Variants in C1orf115 observed in about 807,000 individuals in gnomAD.
The protein encoded by C1orf115 is required for drug-induced death protein 1.
Under a neutral mutation model 12.5 loss-of-function variants are expected in C1orf115, and 14 were observed. That is an observed-to-expected ratio of 1.12 (90% CI 0.74 to 1.75). C1orf115 has a LOEUF of 1.75. Ranked by LOEUF, C1orf115 falls within the 40% of genes most tolerant of loss-of-function variation. C1orf115 has a pLI of 0.00. For missense variants in C1orf115, 237 were observed against 220.8 expected (o/e 1.07, Z -0.46); for synonymous variants, 109 against 104.6 (o/e 1.04, Z -0.26).
At chr1:220,696,214 T>C (rs1670191809) in intron 1 of C1orf115, among the ~76,000 whole-genome samples, 2 of 152,280 alleles carry the variant, frequency 1.3e-5, no homozygotes, top group Middle Eastern at 3.4e-3. Flanking sequence ...GAAGGAAAAC[T>C]TAACCCAGCC....
At chr1:220,692,368 T>A (rs1235770957) in intron 1 of C1orf115, among the ~76,000 whole-genome samples, 3 of 152,130 alleles carry the variant, frequency 2.0e-5, no homozygotes, top group Non-Finnish European at 4.4e-5. Flanking sequence ...TTATTTACAA[T>A]AGTCAAAAGG....
At chr1:220,694,426 G>A (rs1044080368) in intron 1 of C1orf115, among the ~76,000 whole-genome samples, 4 of 152,310 alleles carry the variant, frequency 2.6e-5, no homozygotes, top group East Asian at 3.9e-4. Flanking sequence ...GATAGAGTTG[G>A]AATTCAAGCC....
intron 1 of C1orf115, among the ~76,000 whole-genome samples, chr1:220,691,398 A>G (rs1258971222): frequency 1.3e-5 from 2 of 152,156 alleles, no homozygotes; most frequent in Non-Finnish European, 1.5e-5. Flanking sequence ...CTCTGCATGG[A>G]AACAGTCGAA....
chr1:220,693,774 G>T (rs1374678515), intron 1 of C1orf115, among the ~76,000 whole-genome samples: 1 of 152,122 alleles, frequency 6.6e-6, no homozygotes, highest in Non-Finnish European at 1.5e-5. Context: ...GAGGGACCCT[G>T]TAATTTAAAC....
intron 1 of C1orf115, among the ~76,000 whole-genome samples, chr1:220,693,750 C>T (rs1166156313): frequency 6.6e-6 from 1 of 152,156 alleles, no homozygotes; most frequent in East Asian, 1.9e-4. Flanking sequence ...TCCCTGCCCT[C>T]CTTCTGTTAC....
At chr1:220,692,135 C>T (rs1425227618) in intron 1 of C1orf115, among the ~76,000 whole-genome samples, 1 of 152,154 alleles carries the variant, frequency 6.6e-6, no homozygotes, top group East Asian at 1.9e-4. Context: ...CCAAACAAAC[C>T]GAATAACAAA....
chr1:220,692,420 C>G (rs1279770006), intron 1 of C1orf115, among the ~76,000 whole-genome samples: 1 of 152,050 alleles, frequency 6.6e-6, no homozygotes, highest in Non-Finnish European at 1.5e-5. Flanking sequence ...AATGCATAAA[C>G]AAGTGTGTTA....
chr1:220,691,542 T>C (rs998486369), intron 1 of C1orf115, among the ~76,000 whole-genome samples: 50 of 152,048 alleles, frequency 3.3e-4, no homozygotes, highest in African/African-American at 1.2e-3. Context: ...AATGCCGTCT[T>C]ACACCTGAAG....
At chr1:220,693,018 C>T (rs1259269334) in intron 1 of C1orf115, among the ~76,000 whole-genome samples, 1 of 152,128 alleles carries the variant, frequency 6.6e-6, no homozygotes, top group Non-Finnish European at 1.5e-5. Flanking sequence ...AAAGTGACTT[C>T]AGCTTCTACT....
intron 1 of C1orf115, among the ~76,000 whole-genome samples, chr1:220,695,463 G>T (rs903717513): frequency 3.3e-5 from 5 of 151,104 alleles, no homozygotes; most frequent in Admixed American, 1.3e-4. Flanking sequence ...GAGAGTGGTG[G>T]AAGGTGAACG....
At chr1:220,690,826 C>G (rs1165495517) in intron 1 of C1orf115, 115 bp downstream of exon 1, 12 of 1,213,992 alleles carry the variant, frequency 9.9e-6, no homozygotes, top group East Asian at 6.0e-5. Context: ...CACCTGCGAC[C>G]CCTCCGCCCC....
In C1orf115 at chr1:220,692,547, A is replaced by T. The variant is rs985178056; in HGVS notation, c.309+1836A>T. Among the ~76,000 whole-genome samples, 12 of 152,340 alleles carry T rather than the reference A, an allele frequency of 7.9e-5. No individual in the cohort carries two copies. The South Asian group carries it at 2.3e-3, about 29-fold the overall frequency. On this transcript the variant is annotated intron_variant, in intron 1 of 1. Coordinates refer to ENST00000294889, the MANE Select transcript of C1orf115 (RefSeq NM_024709.5). The stretch of plus-strand genomic sequence containing the variant: ...AAGTGAAGTAAACAAGACCCGCAAG[A>T]TCACATATTGTGCGTATGATTCCAT...
intron 1 of C1orf115, among the ~76,000 whole-genome samples, chr1:220,692,666 G>C (rs1670130640): frequency 6.6e-6 from 1 of 152,202 alleles, no homozygotes; most frequent in Admixed American, 6.5e-5. Flanking sequence ...GAGCCCATCT[G>C]CTTAATGGGT....
In C1orf115 at chr1:220,690,560, C is replaced by G; in HGVS notation, c.158C>G (p.Thr53Arg). 1.1e-5 allele frequency: 16 copies of G among 1,475,630 alleles called. No homozygotes were observed. Among genetic ancestry groups the G allele is most frequent in the Non-Finnish European group, 1.3e-5 (14 of 1,118,136 alleles). 91.4% of individuals were successfully genotyped at this position (1,475,630 alleles called of 1,614,324 possible). A position where few individuals can be genotyped will look rare whatever the true frequency, so the allele number is the denominator to read the frequency against. ...DEAEAAAESG[T>R]SAADERGPGT... ...GCGGAGGCGGCGGCCGAGAGCGGGA[C>G]GAGCGCGGCGGACGAGCGGGGCCCG... The change falls in exon 1 of 2, where the codon ACG becomes AGG. Residue 53 changes from threonine (T) to arginine (R), a missense_variant. Thr to Arg is a moderately conservative substitution (Grantham distance 71). Coordinates refer to ENST00000294889, the MANE Select transcript of C1orf115 (RefSeq NM_024709.5).
intron 1 of C1orf115, 121 bp downstream of exon 1, chr1:220,690,832 G>A (rs1670091671): frequency 3.4e-6 from 4 of 1,175,424 alleles, no homozygotes; most frequent in Non-Finnish European, 4.6e-6. Flanking sequence ...CGACCCCTCC[G>A]CCCCCGCTCC....
intron 1 of C1orf115, 22 bp downstream of exon 1, chr1:220,690,733 T>G: frequency 6.4e-7 from 1 of 1,562,804 alleles, no homozygotes; most frequent in Non-Finnish European, 8.6e-7. Flanking sequence ...GCGCCACCAC[T>G]GCCCGGGGGG....
chr1:220,690,764 GGGGAGC>G lies in C1orf115; in HGVS notation c.309+60_309+65del, dbSNP rs1024708956. 188 of 1,531,766 alleles carry G rather than the reference GGGGAGC, an allele frequency of 1.2e-4. No individual in the cohort carries two copies. The African/African-American group carries it at 2.4e-3, about 20-fold the overall frequency. 94.9% of individuals were successfully genotyped at this position (1,531,766 alleles called of 1,614,324 possible). On this transcript the variant is annotated intron_variant, in intron 1 of 1. Coordinates refer to ENST00000294889, the MANE Select transcript of C1orf115 (RefSeq NM_024709.5). ...GGGGGCGCGGGTGTGGTGTCCCGCGGGGGAGCGGGAGCCGGGTCCTTACCATCGACT... is the reference window on the plus strand; with the variant it reads ...GGGGGCGCGGGTGTGGTGTCCCGCGGGGGAGCCGGGTCCTTACCATCGACT...
Position 220,699,011 on chromosome 1 carries a change from TTTTTTTTC to T in C1orf115, c.*2289_*2296del, listed in dbSNP as rs1326712057. ...GATTACCTTTTTACCTTTTCTTTCT[TTTTTTTTC>T]TTTTTTTCAATATCAGTGCCCACAC... On this transcript the variant is annotated 3_prime_UTR_variant, in exon 2 of 2. Transcript: ENST00000294889. 2.6e-5 allele frequency: 4 copies of T among 152,018 alleles called. No homozygotes were observed. The highest frequency in any genetic ancestry group is 9.7e-5 in the African/African-American group (4 of 41,388). The allele number at this position is 152,018 out of a possible 1,614,324, so 9.4% of individuals were successfully genotyped here. A position where few individuals can be genotyped will look rare whatever the true frequency, so the allele number is the denominator to read the frequency against.
rs1180659615 is a variant in C1orf115, at chr1:220,690,379, C to G, written c.-24C>G. The G allele has an allele frequency of 2.2e-6, 3 of 1,386,356 alleles. No homozygotes were observed. In the East Asian group the frequency reaches 9.1e-5, roughly 42 times the overall value. The allele number at this position is 1,386,356 out of a possible 1,614,324, so 85.9% of individuals were successfully genotyped here. A position where few individuals can be genotyped will look rare whatever the true frequency, so the allele number is the denominator to read the frequency against. On this transcript the variant is annotated 5_prime_UTR_variant, in exon 1 of 2. Coordinates refer to ENST00000294889, the MANE Select transcript of C1orf115 (RefSeq NM_024709.5). The stretch of plus-strand genomic sequence containing the variant: ...AAGGTTGGTGTCTTTGCGCTCGGAC[C>G]TTCGCCAGAGGGGCCGGGACATCAT...
Sources: gnomAD v4.1 joint callset for allele counts (sites outside exome capture counted in the v4.1 genomes callset) on GRCh38, gnomAD v4.1.1 for gene constraint, MANE v1.5 for transcripts, NCBI Gene and HGNC (gene_info 2026-07-23, HGNC 2026-07-21) for gene names.